The following NLGN1 variants were observed in gnomAD, a reference collection of about 807,000 sequenced individuals.
NLGN1 encodes neuroligin-1.
In NLGN1, 12 loss-of-function variants were observed where a neutral mutation model predicts 65.5. The observed-to-expected ratio is 0.18, with a 90% CI of 0.12 to 0.30. The LOEUF (loss-of-function observed/expected upper bound fraction) is 0.30, where lower values mean the gene tolerates loss of function less well. Among genes scored for constraint, NLGN1 ranks in the 10% least tolerant of loss-of-function variants. The probability of loss-of-function intolerance (pLI) is 1.00; values close to 1 mark genes in which losing one functional copy is unlikely to be tolerated. For synonymous variants in NLGN1, 350 were observed against 359.5 expected, an observed-to-expected ratio of 0.97 and a Z score of 0.30; for missense variants, 750 against 1,007.1, an observed-to-expected ratio of 0.74 and a Z score of 3.46.
chr3:174,259,208 CT>C (rs1746371933), intron 4 of NLGN1, among the ~76,000 whole-genome samples: 1 of 152,020 alleles, frequency 6.6e-6, no homozygotes, highest in Non-Finnish European at 1.5e-5. Flanking sequence ...TTACCCAGAC[CT>C]TATCTTATAT....
chr3:173,464,098 A>G (rs1030763508), intron 2 of NLGN1, among the ~76,000 whole-genome samples: 2 of 152,124 alleles, frequency 1.3e-5, no homozygotes, highest in African/African-American at 2.4e-5. Context: ...TAAGGTATAT[A>G]GGGCATTTTG....
chr3:173,434,069 T>C (rs891051673), intron 1 of NLGN1, among the ~76,000 whole-genome samples: 1 of 152,170 alleles, frequency 6.6e-6, no homozygotes, highest in Non-Finnish European at 1.5e-5. Flanking sequence ...TACATGATTA[T>C]TCAGAATTCT....
chr3:173,587,966 C>G (rs183406379), intron 2 of NLGN1, among the ~76,000 whole-genome samples: 115 of 152,254 alleles, frequency 7.6e-4, no homozygotes, highest in Admixed American at 2.6e-3. Context: ...GTTAGCAACA[C>G]ACTCTTAATT....
At chr3:173,583,062 C>CT (rs1443666532) in intron 2 of NLGN1, among the ~76,000 whole-genome samples, 4 of 152,150 alleles carry the variant, frequency 2.6e-5, no homozygotes, top group Non-Finnish European at 5.9e-5. Context: ...TTTTTCTGGA[C>CT]TTTCTATTCT....
At chr3:174,089,405 T>C (rs561932434) in intron 4 of NLGN1, among the ~76,000 whole-genome samples, 1 of 152,272 alleles carries the variant, frequency 6.6e-6, no homozygotes, top group Non-Finnish European at 1.5e-5. Flanking sequence ...AATCATGAAA[T>C]TGTGGTCTCT....
intron 2 of NLGN1, among the ~76,000 whole-genome samples, chr3:173,599,827 A>G (rs1040313974): frequency 1.3e-5 from 2 of 152,144 alleles, no homozygotes; most frequent in Non-Finnish European, 2.9e-5. Context: ...CACGTTTACC[A>G]TCATTCCACA....
At chr3:173,513,224 ATTT>A (rs34706813) in intron 2 of NLGN1, among the ~76,000 whole-genome samples, 1 of 151,526 alleles carries the variant, frequency 6.6e-6, no homozygotes, top group Non-Finnish European at 1.5e-5. Context: ...TGAAAATGAG[ATTT>A]TTTTTTCCTT....
chr3:173,821,987 C>G (rs1185797096), intron 4 of NLGN1, among the ~76,000 whole-genome samples: 1 of 151,896 alleles, frequency 6.6e-6, no homozygotes, highest in East Asian at 1.9e-4. Context: ...AAATATTTTC[C>G]AAGTTGATGA....
chr3:173,656,115 T>A (rs1759990813), intron 3 of NLGN1, among the ~76,000 whole-genome samples: 1 of 152,152 alleles, frequency 6.6e-6, no homozygotes, highest in South Asian at 2.1e-4. Context: ...ACTCGGTGTT[T>A]GTCCTATGTA....
chr3:173,813,036 T>C (rs1718297731), intron 4 of NLGN1, among the ~76,000 whole-genome samples: 1 of 151,552 alleles, frequency 6.6e-6, no homozygotes, highest in Non-Finnish European at 1.5e-5. Context: ...ACTTGATATA[T>C]AAAAGGAAAA....
At chr3:173,908,912 T>G (rs1216554881) in intron 4 of NLGN1, among the ~76,000 whole-genome samples, 1 of 152,168 alleles carries the variant, frequency 6.6e-6, no homozygotes, top group African/African-American at 2.4e-5. Flanking sequence ...TTAGCTTTAT[T>G]AATTTATCTA....
chr3:173,700,892 G>A (rs796359687), intron 3 of NLGN1, among the ~76,000 whole-genome samples: 9 of 152,252 alleles, frequency 5.9e-5, no homozygotes, highest in Non-Finnish European at 8.8e-5. Context: ...TTGGGAGGCC[G>A]AGGCGGGCGG....
At chr3:173,598,592 T>G (rs181440936) in intron 2 of NLGN1, among the ~76,000 whole-genome samples, 15 of 152,268 alleles carry the variant, frequency 9.9e-5, no homozygotes, top group Admixed American at 6.5e-4. Context: ...CTCTTTAGCC[T>G]CTTAATGAAG....
chr3:173,645,036 GC>G (rs1349567375), intron 3 of NLGN1, among the ~76,000 whole-genome samples: 2 of 152,226 alleles, frequency 1.3e-5, no homozygotes, highest in African/African-American at 4.8e-5. Flanking sequence ...GAAGCAGCAG[GC>G]CATCCTGGCT....
chr3:173,673,405 T>C (rs1762713022), intron 3 of NLGN1, among the ~76,000 whole-genome samples: 1 of 152,206 alleles, frequency 6.6e-6, no homozygotes. Context: ...CTGAAATCAG[T>C]ATCAGAACAT....
intron 3 of NLGN1, among the ~76,000 whole-genome samples, chr3:173,747,294 T>A (rs1351425087): frequency 6.9e-6 from 1 of 145,010 alleles, no homozygotes; most frequent in African/African-American, 2.5e-5. Context: ...TTTAAATATA[T>A]CTTATGTATG....
intron 4 of NLGN1, among the ~76,000 whole-genome samples, chr3:174,000,083 A>G (rs1303409108): frequency 1.3e-5 from 2 of 152,114 alleles, no homozygotes; most frequent in African/African-American, 2.4e-5. Flanking sequence ...AGGCAAGTAC[A>G]TATTATTGTA....
intron 2 of NLGN1, among the ~76,000 whole-genome samples, chr3:173,520,380 C>T (rs1341478460): frequency 6.6e-6 from 1 of 152,090 alleles, no homozygotes; most frequent in African/African-American, 2.4e-5. Flanking sequence ...AATATAGGGA[C>T]TTGATATTGA....
chr3:174,068,029 T>C (rs1739022563), intron 4 of NLGN1, among the ~76,000 whole-genome samples: 1 of 152,150 alleles, frequency 6.6e-6, no homozygotes. Flanking sequence ...CCCACTTGTA[T>C]CATTCCTTCT....
Sources: allele counts gnomAD v4.1 joint callset (sites outside exome capture counted in the v4.1 genomes callset), GRCh38; gene constraint gnomAD v4.1.1; transcripts MANE v1.5; gene names NCBI Gene and HGNC (gene_info 2026-07-23, HGNC 2026-07-21).